FAT4: variants seen among roughly 807,000 people sequenced by gnomAD.
FAT4 encodes the protein protocadherin Fat 4.
In FAT4, 84 loss-of-function variants were observed where a neutral mutation model predicts 303.9. The ratio of observed to expected loss-of-function variants is 0.28; its 90% CI spans 0.23 to 0.33. The LOEUF is 0.33. Ranked by LOEUF, FAT4 falls within the 10% of genes least tolerant of loss-of-function variation. The probability of loss-of-function intolerance (pLI) is 1.00; values close to 1 mark genes in which losing one functional copy is unlikely to be tolerated. For synonymous variants in FAT4, 2,307 were observed against 2,298.8 expected (o/e 1.00, Z -0.10); for missense variants, 6,005 against 6,146.8 (o/e 0.98, Z 0.77).
At position 125,450,179 on chromosome 4, in the gene FAT4, T is replaced by G; in HGVS notation, c.9169T>G (p.Phe3057Val). The G allele has an allele frequency of 6.2e-7, 1 of 1,613,818 alleles. No individual in the cohort carries two copies. Among genetic ancestry groups the G allele is most frequent in the Non-Finnish European group, 8.5e-7 (1 of 1,179,992 alleles). The change falls in exon 10 of 18, where the codon TTT becomes GTT. Residue 3057 changes from phenylalanine to valine, a missense_variant. Transcript: ENST00000394329. Reference protein sequence around the residue: ...SSLISDLNQNFFITVTAKDKG... With the variant: ...SSLISDLNQNVFITVTAKDKG... ...CCTGATTTCTGACTTGAACCAAAAC[T>G]TTTTTATCACAGTCACTGCAAAGGA...
At chr4:125,344,782 T>A (rs917334171) in intron 2 of FAT4, among the ~76,000 whole-genome samples, 2 of 152,030 alleles carry the variant, frequency 1.3e-5, no homozygotes, top group Admixed American at 1.3e-4. Context: ...GCTTACCCCA[T>A]TGATAAATTA....
intron 9 of FAT4, 34 bp downstream of exon 9, chr4:125,446,577 A>T (rs746942505): frequency 6.5e-7 from 1 of 1,536,038 alleles, no homozygotes; most frequent in East Asian, 2.3e-5. Flanking sequence ...ACATGGATAT[A>T]AACAAACTAT....
Position 125,319,739 on chromosome 4 carries a change from G to A in FAT4, c.3328G>A (p.Glu1110Lys), listed in dbSNP as rs377275274. Residue 1110 changes from glutamate (E) to lysine (K), a missense_variant, in exon 2 of 18, where the codon GAA becomes AAA. Glu to Lys is a moderately conservative substitution (Grantham distance 56). Coordinates refer to ENST00000394329, the MANE Select transcript of FAT4 (RefSeq NM_001291303.3). ...FNSTNYTFYF[E>K]EEQRAGSFVG... ...CAGTACCAATTACACATTTTACTTC[G>A]AAGAAGAGCAGAGGGCTGGGTCGTT... is the stretch of plus-strand genomic sequence containing the variant. The A allele has an allele frequency of 2.7e-5, 44 of 1,614,144 alleles. No individual in the cohort carries two copies. Among genetic ancestry groups the A allele is most frequent in the Non-Finnish European group, 3.1e-5 (37 of 1,180,022 alleles).
chr4:125,387,546 A>T (rs893353933), intron 2 of FAT4, among the ~76,000 whole-genome samples: 1 of 152,104 alleles, frequency 6.6e-6, no homozygotes, highest in Non-Finnish European at 1.5e-5. Context: ...CCAATCTATG[A>T]TTCGTTCCTC....
chr4:125,488,313 T>C (rs750877364), intron 17 of FAT4, among the ~76,000 whole-genome samples: 23 of 152,192 alleles, frequency 1.5e-4, no homozygotes, highest in South Asian at 4.1e-4. Context: ...TTTGGTCTTA[T>C]TTACAGAGCA....
At chr4:125,346,712 G>A (rs1328705660) in intron 2 of FAT4, among the ~76,000 whole-genome samples, 1 of 152,000 alleles carries the variant, frequency 6.6e-6, no homozygotes, top group African/African-American at 2.4e-5. Context: ...ATTCAAGGAG[G>A]CAGGTCATTG....
chr4:125,461,840 CT>C (rs2126070001), intron 10 of FAT4, among the ~76,000 whole-genome samples: 1 of 151,998 alleles, frequency 6.6e-6, no homozygotes, highest in African/African-American at 2.4e-5. Context: ...CTAAAATGGC[CT>C]TCACATAATC....
intron 2 of FAT4, among the ~76,000 whole-genome samples, chr4:125,340,499 G>A (rs1379378945): frequency 6.6e-6 from 1 of 152,010 alleles, no homozygotes. Flanking sequence ...TTCTCCTCCT[G>A]CCTCAGTCTC....
At chr4:125,347,680 C>A (rs1414025077) in intron 2 of FAT4, among the ~76,000 whole-genome samples, 1 of 151,482 alleles carries the variant, frequency 6.6e-6, no homozygotes. Context: ...GGATTTGAAT[C>A]CACTTATCAG....
At chr4:125,354,319 T>C (rs2125980560) in intron 2 of FAT4, among the ~76,000 whole-genome samples, 1 of 151,892 alleles carries the variant, frequency 6.6e-6, no homozygotes, top group East Asian at 1.9e-4. Flanking sequence ...ATGTACTTTA[T>C]TTGCTTTTGG....
At chr4:125,476,129 G>T in intron 12 of FAT4, 42 bp from the exon 13 acceptor site, 1 of 1,302,936 alleles carries the variant, frequency 7.7e-7, no homozygotes, top group South Asian at 1.2e-5. Flanking sequence ...TAATAGGGAC[G>T]GTAGAACTCA....
chr4:125,340,512 G>A (rs971041987), intron 2 of FAT4, among the ~76,000 whole-genome samples: 1 of 152,094 alleles, frequency 6.6e-6, no homozygotes, highest in Admixed American at 6.5e-5. Flanking sequence ...TCAGTCTCTG[G>A]AGAAGCTGGG....
rs943662980 is a variant in FAT4, at chr4:125,416,453, G to T, written c.6849G>T (p.Val2283=). Residue 2283 remains valine, a synonymous_variant, in exon 7 of 18, where the codon GTG becomes GTT. Coordinates refer to ENST00000394329, the MANE Select transcript of FAT4 (RefSeq NM_001291303.3). ...GTLPRTILQV[V]ARDDDRGSNS... is the part of the protein sequence containing the mutation. ...TGGTATGTACTGTTCTACAGGTGGT[G>T]GCAAGAGATGATGATCGAGGATCTA... The T allele has an allele frequency of 1.9e-6, 3 of 1,613,182 alleles. No homozygotes were observed. The highest frequency in any genetic ancestry group is 2.5e-6 in the Non-Finnish European group (3 of 1,179,454).
At chr4:125,437,047 GTT>G (rs1725477552) in intron 8 of FAT4, among the ~76,000 whole-genome samples, 1 of 151,962 alleles carries the variant, frequency 6.6e-6, no homozygotes, top group South Asian at 2.1e-4. Flanking sequence ...TTGAGATGGG[GTT>G]TCACCATGTT....
In FAT4 at chr4:125,318,701, G is replaced by C; in HGVS notation, c.2290G>C (p.Val764Leu). ...AAAAACAGCTTATCAGTTGCAAATA[G>C]TAGCTACTGATGGTGGCAATTTACA... The part of the protein sequence containing the change: ...EEKTAYQLQI[V>L]ATDGGNLQSP... Residue 764 changes from valine (V) to leucine (L), a missense_variant, in exon 2 of 18, where the codon GTA becomes CTA. By Grantham distance (32) the Val-to-Leu change is conservative. Coordinates refer to ENST00000394329, the MANE Select transcript of FAT4 (RefSeq NM_001291303.3). 10 of 1,614,118 alleles carry C rather than the reference G, an allele frequency of 6.2e-6. No homozygotes were observed. Among genetic ancestry groups the C allele is most frequent in the Non-Finnish European group, 8.5e-6 (10 of 1,179,988 alleles).
chr4:125,396,935 T>C (rs1168408743), intron 2 of FAT4, among the ~76,000 whole-genome samples: 7 of 522 alleles, frequency 0.013, no homozygotes, highest in African/African-American at 0.019. Flanking sequence ...TGTATATATA[T>C]ATATATATAT....
chr4:125,440,172 T>G (rs1443720058), intron 8 of FAT4, among the ~76,000 whole-genome samples: 1 of 152,194 alleles, frequency 6.6e-6, no homozygotes, highest in Non-Finnish European at 1.5e-5. Flanking sequence ...ATGCATTGAA[T>G]GAACGATTTT....
chr4:125,392,071 A>C lies in FAT4; in HGVS notation c.5176-6713A>C, dbSNP rs183035242. ...ATATAAATGATCTTCAGTATCCTGA[A>C]GATATTTGCAATTACCTATGTTGGT... is the stretch of plus-strand genomic sequence containing the variant. On this transcript the variant is annotated intron_variant, in intron 2 of 17. Coordinates refer to ENST00000394329, the MANE Select transcript of FAT4 (RefSeq NM_001291303.3). Among the ~76,000 whole-genome samples the C allele has an allele frequency of 1.9e-4, 29 of 152,264 alleles. 1 individual carries two copies. The highest frequency in any genetic ancestry group is 1.6e-3 in the Admixed American group (25 of 15,272).
At chr4:125,400,858 G>A (rs1271878646) in intron 3 of FAT4, among the ~76,000 whole-genome samples, 4 of 151,994 alleles carry the variant, frequency 2.6e-5, no homozygotes, top group Non-Finnish European at 5.9e-5. Context: ...GGCCAGAAAA[G>A]TATAAGGCTA....
Sources: gnomAD v4.1 joint callset for allele counts (sites outside exome capture counted in the v4.1 genomes callset) on GRCh38, gnomAD v4.1.1 for gene constraint, MANE v1.5 for transcripts, NCBI Gene and HGNC (gene_info 2026-07-23, HGNC 2026-07-21) for gene names.